The following DOP1B variants were observed in gnomAD, a reference collection of about 807,000 sequenced individuals.
The protein encoded by DOP1B is DOP1 leucine zipper like protein B.
DOP1B carries 174 observed loss-of-function variants against 233.5 expected under a neutral mutation model. That is an observed-to-expected ratio of 0.75 (90% CI 0.66 to 0.85). DOP1B has a LOEUF of 0.85. Among genes scored for constraint, DOP1B ranks in the 40% least tolerant of loss-of-function variants. DOP1B has a pLI of 0.00. For missense variants in DOP1B, 2,652 were observed against 2,846.6 expected (o/e 0.93, Z 1.56); for synonymous variants, 1,190 against 1,185.6 (o/e 1.00, Z -0.08).
At position 36,197,106 on chromosome 21, in the gene DOP1B, G is replaced by A. The variant is rs1018242366; in HGVS notation, c.139-1964G>A. On this transcript the variant is annotated intron_variant, in intron 2 of 36. Transcript: ENST00000691173. ...CGCCACCATGCCCGGCTAATTTTTT[G>A]TGTCTTTAGTAGAGACAGGGTTTCA... Among the ~76,000 whole-genome samples the A allele has an allele frequency of 1.6e-4, 25 of 151,856 alleles. 1 individual carries two copies. Among genetic ancestry groups the A allele is most frequent in the African/African-American group, 5.6e-4 (23 of 41,322 alleles).
At chr21:36,188,638 C>G (rs534700268) in intron 2 of DOP1B, among the ~76,000 whole-genome samples, 1 of 152,156 alleles carries the variant, frequency 6.6e-6, no homozygotes, top group Admixed American at 6.6e-5. Flanking sequence ...TACAAAGATG[C>G]CTGACTTCCA....
chr21:36,183,586 G>A (rs2066127155), intron 2 of DOP1B, among the ~76,000 whole-genome samples: 1 of 152,196 alleles, frequency 6.6e-6, no homozygotes, highest in Non-Finnish European at 1.5e-5. Context: ...TTTCTGGCTG[G>A]GAGCAGGACG....
intron 9 of DOP1B, among the ~76,000 whole-genome samples, chr21:36,218,518 G>A (rs773507269): frequency 1.3e-4 from 19 of 151,896 alleles, no homozygotes; most frequent in Non-Finnish European, 2.1e-4. Flanking sequence ...GCAAGACTCT[G>A]TCTCCAAAAA....
At chr21:36,164,586 A>C in intron 1 of DOP1B, 122 bp from the exon 2 acceptor site, 1 of 664,784 alleles carries the variant, frequency 1.5e-6, no homozygotes, top group Non-Finnish European at 2.3e-6. Context: ...TTTGAACAGG[A>C]TTGCCCAGTG....
At chr21:36,264,788 C>G (rs1363399276) in intron 26 of DOP1B, among the ~76,000 whole-genome samples, 1 of 152,112 alleles carries the variant, frequency 6.6e-6, no homozygotes, top group East Asian at 1.9e-4. Flanking sequence ...ACATGGATTT[C>G]TTTCCTTAAA....
intron 5 of DOP1B, among the ~76,000 whole-genome samples, chr21:36,210,560 G>T (rs2066484518): frequency 6.6e-6 from 1 of 152,144 alleles, no homozygotes. Context: ...CAAAGGAATC[G>T]CTTGAACCTG....
intron 5 of DOP1B, among the ~76,000 whole-genome samples, 160 bp from the exon 6 acceptor site, chr21:36,211,392 TG>T (rs2066496437): frequency 6.6e-6 from 1 of 152,176 alleles, no homozygotes; most frequent in Admixed American, 6.5e-5. Context: ...ACGCAGCCTG[TG>T]GCCTCGAGAG....
At chr21:36,231,308 A>G (rs1479892184) in intron 14 of DOP1B, among the ~76,000 whole-genome samples, 174 bp downstream of exon 14, 1 of 152,244 alleles carries the variant, frequency 6.6e-6, no homozygotes, top group Non-Finnish European at 1.5e-5. Flanking sequence ...TTCCTAATCC[A>G]GAAATCCAAA....
chr21:36,253,748 A>G (rs375634486), intron 22 of DOP1B, 24 bp from the exon 23 acceptor site: 32 of 1,608,398 alleles, frequency 2.0e-5, no homozygotes, highest in Non-Finnish European at 2.6e-5. Context: ...TAAGCTTTCA[A>G]GGAACTTTTT....
At chr21:36,228,774 TAAATAAAATAAAATA>T (rs200418493) in intron 13 of DOP1B, among the ~76,000 whole-genome samples, 26,599 of 140,376 alleles carry the variant, frequency 0.19, 2,704 homozygotes, top group East Asian at 0.35. Flanking sequence ...TCAAAATAAA[TAAATAAAATAAAATA>T]AAATAAAATA....
intron 9 of DOP1B, among the ~76,000 whole-genome samples, chr21:36,219,160 G>A (rs2066595775): frequency 6.6e-6 from 1 of 152,154 alleles, no homozygotes; most frequent in Non-Finnish European, 1.5e-5. Flanking sequence ...TGGCACACAG[G>A]AAGTTCTACA....
chr21:36,168,913 A>T, intron 2 of DOP1B: 1 of 497,114 alleles, frequency 2.0e-6, no homozygotes, highest in Middle Eastern at 5.9e-4. Context: ...TTTAATTAAT[A>T]ATTTTAAAAA....
Position 36,288,780 on chromosome 21 carries a change from G to T in DOP1B, c.6322G>T (p.Glu2108Ter). The T allele has an allele frequency of 6.2e-7, 1 of 1,613,186 alleles. No homozygotes were observed. The highest frequency in any genetic ancestry group is 8.5e-7 in the Non-Finnish European group (1 of 1,179,480). The change falls in exon 34 of 37, where the codon GAA becomes TAA. Residue 2108 changes from glutamate (E) to a stop codon, truncating the protein, a stop_gained. Transcript: ENST00000691173. LOFTEE classifies it high-confidence loss of function. The stretch of plus-strand genomic sequence containing the variant: ...GATTCAGACATTCACACAGCTTGAA[G>T]AAGATCTAAAAGATGAAGATGAGTC... The part of the protein sequence containing the change: ...ELIQTFTQLE[E>*]DLKDEDESLR...
intron 12 of DOP1B, among the ~76,000 whole-genome samples, chr21:36,227,371 C>G (rs1037096175): frequency 7.3e-5 from 11 of 151,524 alleles, no homozygotes; most frequent in Non-Finnish European, 1.2e-4. Context: ...CACGGTGAAA[C>G]CCCATCTCTA....
intron 24 of DOP1B, chr21:36,260,934 A>T: frequency 7.2e-7 from 1 of 1,386,392 alleles, no homozygotes. Context: ...AAATCTGTGC[A>T]GCGTACTTTG....
At chr21:36,244,987 C>T in intron 18 of DOP1B, 61 bp from the exon 19 acceptor site, 2 of 1,499,868 alleles carry the variant, frequency 1.3e-6, no homozygotes, top group South Asian at 1.3e-5. Context: ...GACCGCCCTA[C>T]AGCTAATGTA....
chr21:36,195,599 T>TA (rs2123462161), intron 2 of DOP1B, among the ~76,000 whole-genome samples: 1 of 152,358 alleles, frequency 6.6e-6, no homozygotes, highest in East Asian at 1.9e-4. Flanking sequence ...TTTTACTGGT[T>TA]ACAGCCTCAG....
In DOP1B at chr21:36,230,958, A is replaced by G. The variant is rs779872645; in HGVS notation, c.2174A>G (p.Lys725Arg). ...TCTTCGCCCAGCAGCCCTGCCAGGA[A>G]AAACGGGGGAGAATGGGATGTTGAG... Reference protein sequence around the residue: ...PSSSPSSPARKNGGEWDVEKV... With the variant: ...PSSSPSSPARRNGGEWDVEKV... Residue 725 changes from lysine (K) to arginine (R), a missense_variant, in exon 14 of 37, where the codon AAA becomes AGA. By Grantham distance (26) the Lys-to-Arg change is conservative (BLOSUM62 2). Coordinates refer to ENST00000691173, the MANE Select transcript of DOP1B (RefSeq NM_001320714.2). 42 of 1,614,110 alleles carry G rather than the reference A, an allele frequency of 2.6e-5. No individual in the cohort carries two copies. In the South Asian group the frequency reaches 3.6e-4, roughly 14 times the overall value.
chr21:36,286,689 T>C (rs2067488123), intron 32 of DOP1B, among the ~76,000 whole-genome samples: 1 of 147,998 alleles, frequency 6.8e-6, no homozygotes, highest in African/African-American at 2.5e-5. Context: ...TGACTGAGCA[T>C]GGCAGCTCAC....
Sources: gnomAD v4.1 joint callset for allele counts (sites outside exome capture counted in the v4.1 genomes callset) on GRCh38, gnomAD v4.1.1 for gene constraint, MANE v1.5 for transcripts, NCBI Gene and HGNC (gene_info 2026-07-23, HGNC 2026-07-21) for gene names.